The following ADAMTS3 variants were observed in gnomAD, a reference collection of about 807,000 sequenced individuals.
ADAMTS3 encodes the protein ADAM metallopeptidase with thrombospondin type 1 motif 3, also known as A disintegrin and metalloproteinase with thrombospondin motifs 3.
A neutral mutation model predicts 129.0 loss-of-function variants in ADAMTS3; 73 were observed. That is an observed-to-expected ratio of 0.57 (90% CI 0.47 to 0.69). The LOEUF is 0.69. ADAMTS3 is among the 30% of genes least tolerant of loss of function. The pLI is 0.00. For missense variants in ADAMTS3, 1,457 were observed against 1,514.5 expected (o/e 0.96, Z 0.63); for synonymous variants, 477 against 510.8 (o/e 0.93, Z 0.89).
intron 4 of ADAMTS3, among the ~76,000 whole-genome samples, chr4:72,360,386 C>CA (rs1268145291): frequency 1.3e-5 from 2 of 151,662 alleles, no homozygotes; most frequent in African/African-American, 2.4e-5. Flanking sequence ...ACCAAAGGTC[C>CA]AAAAAAAATT....
At chr4:72,367,596 G>A (rs1026838009) in intron 4 of ADAMTS3, among the ~76,000 whole-genome samples, 13 of 152,120 alleles carry the variant, frequency 8.5e-5, no homozygotes, top group Non-Finnish European at 1.5e-4. Flanking sequence ...AAGACAACTA[G>A]TTCCAGCACT....
intron 3 of ADAMTS3, among the ~76,000 whole-genome samples, chr4:72,419,873 A>T (rs1722400344): frequency 6.6e-6 from 1 of 152,070 alleles, no homozygotes; most frequent in Non-Finnish European, 1.5e-5. Context: ...AGAAACAGAG[A>T]CCCAAAAAAT....
At chr4:72,291,422 C>T (rs1261295259) in intron 19 of ADAMTS3, among the ~76,000 whole-genome samples, 3 of 139,072 alleles carry the variant, frequency 2.2e-5, no homozygotes, top group South Asian at 2.5e-4. Flanking sequence ...CACAACAGTC[C>T]CCAGAGTGTG....
At chr4:72,319,793 A>T in intron 8 of ADAMTS3, 65 bp downstream of exon 8, 1 of 1,326,638 alleles carries the variant, frequency 7.5e-7, no homozygotes. Flanking sequence ...AAGAGGAAAC[A>T]ATACTGGGAG....
intron 3 of ADAMTS3, among the ~76,000 whole-genome samples, chr4:72,535,427 T>C (rs1390030887): frequency 1.3e-5 from 2 of 152,192 alleles, no homozygotes; most frequent in Admixed American, 1.3e-4. Flanking sequence ...ATTAGGTTAA[T>C]GAGACACCCC....
chr4:72,318,909 C>T (rs1025973694), intron 9 of ADAMTS3, among the ~76,000 whole-genome samples: 9 of 152,074 alleles, frequency 5.9e-5, no homozygotes, highest in Non-Finnish European at 1.2e-4. Context: ...GGAAAGTAAA[C>T]CAAGCATGAC....
chr4:72,313,428 T>G (rs1719299424), intron 12 of ADAMTS3, among the ~76,000 whole-genome samples: 1 of 152,174 alleles, frequency 6.6e-6, no homozygotes, highest in African/African-American at 2.4e-5. Context: ...TTCAGCTTCT[T>G]AATATTCCTG....
intron 3 of ADAMTS3, among the ~76,000 whole-genome samples, chr4:72,529,442 C>T (rs1720902217): frequency 6.6e-6 from 1 of 151,428 alleles, no homozygotes; most frequent in South Asian, 2.1e-4. Flanking sequence ...AGATCAGTGG[C>T]CTCTTGAAGA....
At chr4:72,307,746 T>C (rs1016418582) in intron 15 of ADAMTS3, among the ~76,000 whole-genome samples, 1 of 152,076 alleles carries the variant, frequency 6.6e-6, no homozygotes, top group Non-Finnish European at 1.5e-5. Flanking sequence ...GCAGATTTCA[T>C]TTTCCAGCAA....
intron 3 of ADAMTS3, among the ~76,000 whole-genome samples, chr4:72,439,464 A>G (rs1006076999): frequency 6.6e-6 from 1 of 151,680 alleles, no homozygotes; most frequent in Non-Finnish European, 1.5e-5. Context: ...AATAGTCATC[A>G]GTTTCCTTAT....
chr4:72,414,848 G>C lies in ADAMTS3; in HGVS notation c.628C>G (p.Pro210Ala). 6.5e-7 allele frequency: 1 copy of C among 1,542,290 alleles called. No individual in the cohort carries two copies. The highest frequency in any genetic ancestry group is 8.7e-7 in the Non-Finnish European group (1 of 1,148,676). ...TGGAAGTCTTTGGACATGTCTATGG[G>C]AGCCTGTTCTACAGCTGATCTCTTG... Reference protein sequence around the residue: ...VYKRSAVEQAPIDMSKDFHYR... With the variant: ...VYKRSAVEQAAIDMSKDFHYR... The change falls in exon 4 of 22, where the codon CCC (proline) becomes GCC (alanine). Residue 210 changes from proline (P) to alanine (A), a missense_variant. Physicochemically the swap from Pro to Ala is conservative, Grantham distance 27 (BLOSUM62 -1). Transcript: ENST00000286657.
intron 4 of ADAMTS3, among the ~76,000 whole-genome samples, chr4:72,400,265 T>C (rs1473412026): frequency 6.8e-6 from 1 of 148,134 alleles, no homozygotes; most frequent in Non-Finnish European, 1.5e-5. Context: ...TATACGTGTG[T>C]ATATATGCAC....
chr4:72,293,643 T>C (rs545238152), intron 19 of ADAMTS3, among the ~76,000 whole-genome samples: 1 of 152,238 alleles, frequency 6.6e-6, no homozygotes, highest in East Asian at 1.9e-4. Context: ...GATCACCCTA[T>C]AGTTGAGCCC....
intron 3 of ADAMTS3, among the ~76,000 whole-genome samples, chr4:72,489,960 T>G (rs2110013921): frequency 6.6e-6 from 1 of 151,966 alleles, no homozygotes; most frequent in Admixed American, 6.6e-5. Context: ...TCATAAGTGC[T>G]GCACCATTTA....
Position 72,548,652 on chromosome 4 carries a change from C to A in ADAMTS3, c.330G>T (p.Trp110Cys). 1 of 1,613,982 alleles carries A rather than the reference C, an allele frequency of 6.2e-7. No individual in the cohort carries two copies. The highest frequency in any genetic ancestry group is 8.5e-7 in the Non-Finnish European group (1 of 1,179,926). ...QLVAPGAVVE[W>C]HETSLVPGNI... ...TCCCAGGCACCAGAGATGTCTCATG[C>A]CACTCCACAACAGCCCCAGGAGCTA... Residue 110 changes from tryptophan to cysteine, a missense_variant, in exon 3 of 22, where the codon TGG becomes TGT. By Grantham distance (215) the Trp-to-Cys change is radical (BLOSUM62 -2). Transcript: ENST00000286657.
intron 2 of ADAMTS3, among the ~76,000 whole-genome samples, chr4:72,558,169 C>A (rs909885569): frequency 1.3e-5 from 2 of 151,752 alleles, no homozygotes; most frequent in East Asian, 1.9e-4. Context: ...ACTTTACTTG[C>A]GATAATTACA....
intron 3 of ADAMTS3, among the ~76,000 whole-genome samples, chr4:72,454,177 T>A (rs1718483608): frequency 6.6e-6 from 1 of 151,564 alleles, no homozygotes; most frequent in African/African-American, 2.4e-5. Flanking sequence ...TTTTTTATTG[T>A]TTTGATTTTT....
intron 17 of ADAMTS3, among the ~76,000 whole-genome samples, chr4:72,303,295 G>T (rs2109787497): frequency 6.6e-6 from 1 of 151,932 alleles, no homozygotes; most frequent in African/African-American, 2.4e-5. Context: ...GTGTGTGTGT[G>T]CTACTGCCAC....
intron 3 of ADAMTS3, among the ~76,000 whole-genome samples, chr4:72,533,990 C>T (rs1482907853): frequency 6.6e-6 from 1 of 152,072 alleles, no homozygotes; most frequent in African/African-American, 2.4e-5. Flanking sequence ...GGACACTGTC[C>T]ATAAAAACAA....
Sources: allele counts gnomAD v4.1 joint callset (sites outside exome capture counted in the v4.1 genomes callset), GRCh38; gene constraint gnomAD v4.1.1; transcripts MANE v1.5; gene names NCBI Gene and HGNC (gene_info 2026-07-23, HGNC 2026-07-21).